The following PARD3B variants were observed in gnomAD, a reference collection of about 807,000 sequenced individuals.
PARD3B encodes partitioning defective 3 homolog B.
Under a neutral mutation model 130.2 loss-of-function variants are expected in PARD3B, and 103 were observed. The observed-to-expected ratio is 0.79, with a 90% confidence interval of 0.67 to 0.93. The LOEUF is 0.93. Ranked by LOEUF, PARD3B falls within the 40% of genes least tolerant of loss-of-function variation. PARD3B has a pLI of 0.00. For missense variants in PARD3B, 1,609 were observed against 1,499.2 expected, an observed-to-expected ratio of 1.07 and a Z score of -1.21; for synonymous variants, 583 against 553.2, an observed-to-expected ratio of 1.05 and a Z score of -0.76.
intron 15 of PARD3B, among the ~76,000 whole-genome samples, chr2:205,199,754 G>A (rs867269749): frequency 2.0e-5 from 3 of 152,074 alleles, no homozygotes; most frequent in African/African-American, 7.2e-5. Flanking sequence ...AACCAAAAAA[G>A]CATGGCTGCC....
At chr2:205,182,590 A>G (rs1353222172) in intron 13 of PARD3B, among the ~76,000 whole-genome samples, 2 of 152,228 alleles carry the variant, frequency 1.3e-5, no homozygotes, top group Non-Finnish European at 2.9e-5. Flanking sequence ...TAAATAGATA[A>G]TAGCTTGATA....
chr2:205,414,635 T>C (rs2046712666), intron 19 of PARD3B, among the ~76,000 whole-genome samples: 1 of 152,108 alleles, frequency 6.6e-6, no homozygotes, highest in Admixed American at 6.6e-5. Flanking sequence ...TTTGAAATAA[T>C]AGTGGACTCT....
In PARD3B at chr2:205,407,471, T is replaced by C. The variant is rs571986558; in HGVS notation, c.2741+6348T>C. ...CACATTCAGATTATGTAAATTAGCATCTTGAGCTGAAAGCAAGAGATTGTC... is the reference window on the plus strand; with the variant it reads ...CACATTCAGATTATGTAAATTAGCACCTTGAGCTGAAAGCAAGAGATTGTC... On this transcript the variant is annotated intron_variant, in intron 19 of 22. Coordinates refer to ENST00000406610, the MANE Select transcript of PARD3B (RefSeq NM_001302769.2). The surrounding 1 kb of genome is among the most constrained non-coding windows in gnomAD (Gnocchi z 4.1). Among the ~76,000 whole-genome samples the C allele has an allele frequency of 1.3e-5, 2 of 152,214 alleles. No individual in the cohort carries two copies. Among genetic ancestry groups the C allele is most frequent in the African/African-American group, 2.4e-5 (1 of 41,460 alleles).
chr2:205,594,074 G>C (rs2054485585), intron 22 of PARD3B, among the ~76,000 whole-genome samples: 1 of 152,206 alleles, frequency 6.6e-6, no homozygotes, highest in Admixed American at 6.5e-5. Flanking sequence ...CGTGAGCTGA[G>C]TTCATCTTGG....
chr2:204,763,779 G>T (rs545128912), intron 2 of PARD3B, among the ~76,000 whole-genome samples: 7 of 152,248 alleles, frequency 4.6e-5, no homozygotes, highest in African/African-American at 1.4e-4. Context: ...GTGTATATAT[G>T]TGATAAATGC....
chr2:204,609,699 T>G (rs572665924), intron 1 of PARD3B, among the ~76,000 whole-genome samples: 5 of 152,040 alleles, frequency 3.3e-5, no homozygotes, highest in Non-Finnish European at 7.4e-5. Context: ...GCTGTGTAGA[T>G]GAAGCCTCCA....
At chr2:205,385,426 A>G (rs1160732456) in intron 18 of PARD3B, among the ~76,000 whole-genome samples, 1 of 152,186 alleles carries the variant, frequency 6.6e-6, no homozygotes, top group African/African-American at 2.4e-5. Flanking sequence ...CTAAATTGCA[A>G]AAACTGTGTC....
intron 20 of PARD3B, among the ~76,000 whole-genome samples, chr2:205,499,122 T>C (rs1304321064): frequency 6.6e-6 from 1 of 152,126 alleles, no homozygotes; most frequent in Non-Finnish European, 1.5e-5. Context: ...CTGTATAATA[T>C]CATGTGATAC....
rs542763533 is a variant in PARD3B, at chr2:205,253,867, A to T, written c.2185+8045A>T. 1.3e-5 allele frequency among the ~76,000 whole-genome samples: 2 copies of T among 152,144 alleles called. No homozygotes were observed. Among genetic ancestry groups the T allele is most frequent in the Non-Finnish European group, 2.9e-5 (2 of 68,008 alleles). ...GAAAGCTGCTGAGAAAGTAGAATTC[A>T]TAGTGGAGAACTGCATTTCAATTAA... On this transcript the variant is annotated intron_variant, in intron 16 of 22. Transcript: ENST00000406610. The surrounding 1 kb of genome is among the most constrained non-coding windows in gnomAD (Gnocchi z 4.4).
rs541659468 is a variant in PARD3B at position 205,038,843 on chromosome 2, C to T, written c.395-8738C>T. On this transcript the variant is annotated intron_variant, in intron 3 of 22. Transcript: ENST00000406610. ...GTCAGTTGACTTGAACTTCCTTCCT[C>T]GTTTTATGGCAATAGTGGGAGTCTC... Among the ~76,000 whole-genome samples, 20 of 152,236 alleles carry T rather than the reference C, an allele frequency of 1.3e-4. No individual in the cohort carries two copies. The South Asian group carries it at 3.1e-3, about 24-fold the overall frequency.
intron 18 of PARD3B, among the ~76,000 whole-genome samples, chr2:205,353,036 A>G (rs919371846): frequency 6.6e-6 from 1 of 152,204 alleles, no homozygotes; most frequent in Non-Finnish European, 1.5e-5. Flanking sequence ...AAACAATCTA[A>G]TAAGGATTTG....
intron 3 of PARD3B, among the ~76,000 whole-genome samples, chr2:204,988,793 G>A (rs1275254485): frequency 6.6e-6 from 1 of 152,140 alleles, no homozygotes; most frequent in South Asian, 2.1e-4. Flanking sequence ...AAAGAGAAAT[G>A]AGAGAAATTT....
chr2:205,149,599 A>G (rs954480179), intron 10 of PARD3B, among the ~76,000 whole-genome samples: 2 of 152,096 alleles, frequency 1.3e-5, no homozygotes, highest in Non-Finnish European at 2.9e-5. Flanking sequence ...ACACTTTTTC[A>G]TCTTAATTGT....
rs141682277 is a variant in PARD3B, at chr2:205,551,611, C to A, written c.3181-1713C>A. Among the ~76,000 whole-genome samples the A allele has an allele frequency of 2.7e-3, 410 of 152,210 alleles. 2 individuals carry two copies. The highest frequency in any genetic ancestry group is 5.2e-3 in the East Asian group (27 of 5,158). On this transcript the variant is annotated intron_variant, in intron 21 of 22. Transcript: ENST00000406610. ...GTTTTATAGGACACACTCTAAAGGT[C>A]CTCCCACAATAATTAAACACCAAGA... is the stretch of plus-strand genomic sequence containing the variant.
intron 2 of PARD3B, among the ~76,000 whole-genome samples, chr2:204,773,603 CCTAT>C (rs1251368106): frequency 2.0e-5 from 3 of 152,026 alleles, no homozygotes; most frequent in African/African-American, 7.2e-5. Flanking sequence ...TATCCTAAAT[CCTAT>C]CTGTTACTGC....
chr2:205,219,521 A>C (rs1019777037), intron 15 of PARD3B, among the ~76,000 whole-genome samples: 1 of 152,238 alleles, frequency 6.6e-6, no homozygotes. Context: ...GATTCTGGGC[A>C]GAAATATAGA....
At chr2:205,172,411 G>A (rs973909148) in intron 12 of PARD3B, 30 bp downstream of exon 12, 1 of 1,598,256 alleles carries the variant, frequency 6.3e-7, no homozygotes, top group South Asian at 1.1e-5. Flanking sequence ...TCCTCAGCCA[G>A]TTGCCCAAAT....
chr2:205,107,850 G>T (rs755064635), intron 5 of PARD3B, among the ~76,000 whole-genome samples: 1 of 152,122 alleles, frequency 6.6e-6, no homozygotes, highest in Non-Finnish European at 1.5e-5. Flanking sequence ...CAAGAGGTTT[G>T]GTGGTTTTTT....
rs1202356102 is a variant in PARD3B, at chr2:205,600,637, T to C, written c.3261-14819T>C. Among the ~76,000 whole-genome samples, 3 of 152,218 alleles carry C rather than the reference T, an allele frequency of 2.0e-5. No individual in the cohort carries two copies. The East Asian group carries it at 5.8e-4, about 29-fold the overall frequency. ...TTAACCCCTGCATGCATTAGCTGTTTATCCTGATGCTGCCCCTCCCACTGC... is the reference window on the plus strand; with the variant it reads ...TTAACCCCTGCATGCATTAGCTGTTCATCCTGATGCTGCCCCTCCCACTGC... On this transcript the variant is annotated intron_variant, in intron 22 of 22. Transcript: ENST00000406610.
Sources: allele counts gnomAD v4.1 joint callset (sites outside exome capture counted in the v4.1 genomes callset), GRCh38; gene constraint gnomAD v4.1.1; non-coding constraint Gnocchi (gnomAD v3.1); transcripts MANE v1.5; gene names NCBI Gene and HGNC (gene_info 2026-07-23, HGNC 2026-07-21).